The following BCHE variants were observed in gnomAD, a reference collection of about 807,000 sequenced individuals.
The protein encoded by BCHE is butyrylcholinesterase, also known as cholinesterase.
BCHE carries 48 observed loss-of-function variants against 51.3 expected under a neutral mutation model. The observed-to-expected ratio is 0.94, with a 90% CI of 0.74 to 1.19. The LOEUF (loss-of-function observed/expected upper bound fraction) is 1.19. BCHE is among the 50% of genes most tolerant of loss of function. The pLI is 0.00. For synonymous variants in BCHE, 251 were observed against 238.0 expected (o/e 1.05, Z -0.50); for missense variants, 847 against 708.2 (o/e 1.20, Z -2.23).
intron 3 of BCHE, among the ~76,000 whole-genome samples, chr3:165,776,230 G>A (rs1712466198): frequency 6.6e-6 from 1 of 151,898 alleles, no homozygotes; most frequent in Non-Finnish European, 1.5e-5. Context: ...TAATTATATT[G>A]TAGAACAGTC....
At position 165,821,784 on chromosome 3, in the gene BCHE, A is replaced by T. The variant is rs1047945890; in HGVS notation, c.1517+7733T>A. ...TAAAAAGATGAATATCTATTTTCAA[A>T]TTGTCCCAATCATTTTAAAATACCT... On this transcript the variant is annotated intron_variant, in intron 2 of 3. Coordinates refer to ENST00000264381, the MANE Select transcript of BCHE (RefSeq NM_000055.4). Among the ~76,000 whole-genome samples, 3 of 151,968 alleles carry T rather than the reference A, an allele frequency of 2.0e-5. No individual in the cohort carries two copies. The East Asian group carries it at 5.8e-4, about 29-fold the overall frequency.
chr3:165,787,557 G>A (rs1713002317), intron 2 of BCHE, among the ~76,000 whole-genome samples: 2 of 151,874 alleles, frequency 1.3e-5, no homozygotes. Flanking sequence ...GAATCTGGCT[G>A]AAAGAGAGGA....
chr3:165,785,232 A>G (rs1333123015), intron 3 of BCHE, among the ~76,000 whole-genome samples: 1 of 151,900 alleles, frequency 6.6e-6, no homozygotes. Context: ...ATACAGCCTG[A>G]AAATTACAGA....
At chr3:165,836,010 G>A (rs1271036465) in intron 1 of BCHE, among the ~76,000 whole-genome samples, 1 of 151,860 alleles carries the variant, frequency 6.6e-6, no homozygotes, top group Non-Finnish European at 1.5e-5. Flanking sequence ...ATGACTCGAA[G>A]AAGGAACCAA....
intron 2 of BCHE, among the ~76,000 whole-genome samples, chr3:165,804,541 C>T (rs1032382122): frequency 7.9e-5 from 12 of 152,094 alleles, no homozygotes; most frequent in African/African-American, 2.9e-4. Context: ...GCATAATCGA[C>T]ATTGCAACTG....
At chr3:165,787,450 T>C (rs937813334) in intron 2 of BCHE, among the ~76,000 whole-genome samples, 1 of 151,462 alleles carries the variant, frequency 6.6e-6, no homozygotes, top group Non-Finnish European at 1.5e-5. Flanking sequence ...AACTACAACA[T>C]AAGATAGCAT....
rs7626617 is a variant in BCHE at position 165,786,130 on chromosome 3, T to G, written c.1684+15A>C. On this transcript the variant is annotated intron_variant, in intron 3 of 3. Coordinates refer to ENST00000264381, the MANE Select transcript of BCHE (RefSeq NM_000055.4). ...CATCATCTATTAAATAACCAAACAC[T>G]AAAAACAGACACACCTGTCATTTCC... is the stretch of plus-strand genomic sequence containing the variant. 6.2e-7 allele frequency: 1 copy of G among 1,609,034 alleles called. No homozygotes were observed. The highest frequency in any genetic ancestry group is 2.2e-5 in the East Asian group (1 of 44,714).
At chr3:165,802,719 G>T (rs1323667003) in intron 2 of BCHE, among the ~76,000 whole-genome samples, 9 of 151,332 alleles carry the variant, frequency 5.9e-5, no homozygotes, top group Non-Finnish European at 1.0e-4. Context: ...AGAAATAAAT[G>T]ATTTTTTGTT....
chr3:165,829,653 AT>A lies in BCHE; in HGVS notation c.1380del (p.Glu460AspfsTer5). 6.2e-7 allele frequency: 1 copy of A among 1,613,888 alleles called. No homozygotes were observed. The highest frequency in any genetic ancestry group is 8.5e-7 in the Non-Finnish European group (1 of 1,179,892). Reference protein sequence around the residue: ...EHRSSKLPWPEWMGVMHGYEI... With the variant: ...EHRSSKLPWPXWMGVMHGYEI... Reference sequence around the variant, plus strand: ...TCATAGCCATGCATCACTCCCATCCATTCTGGCCACGGAAGTTTGGAGGATC... The same window carrying A: ...TCATAGCCATGCATCACTCCCATCCATCTGGCCACGGAAGTTTGGAGGATC... On this transcript the variant is annotated frameshift_variant, in exon 2 of 4. Transcript: ENST00000264381. LOFTEE classifies it high-confidence loss of function.
chr3:165,789,270 T>C (rs950918699), intron 2 of BCHE, among the ~76,000 whole-genome samples: 1 of 151,302 alleles, frequency 6.6e-6, no homozygotes, highest in South Asian at 2.1e-4. Context: ...TTTGAAAGGT[T>C]TTAAGACACA....
rs1714861148 is a variant in BCHE at position 165,829,513 on chromosome 3, T to C, written c.1517+4A>G. 1 of 1,610,294 alleles carries C rather than the reference T, an allele frequency of 6.2e-7. No homozygotes were observed. The highest frequency in any genetic ancestry group is 8.5e-7 in the Non-Finnish European group (1 of 1,176,816). The stretch of plus-strand genomic sequence containing the variant: ...AGAGAACAATGACAAAAATCAGCAC[T>C]TACCCATATTTTGCAAAATTTGCCC... On this transcript the variant is annotated splice_donor_region_variant and intron_variant, in intron 2 of 3. Transcript: ENST00000264381.
Position 165,814,733 on chromosome 3 carries a change from C to G in BCHE, c.1517+14784G>C, listed in dbSNP as rs551604319. On this transcript the variant is annotated intron_variant, in intron 2 of 3. Transcript: ENST00000264381. Reference sequence around the variant, plus strand: ...TTTGTCAAAATTTTGTTCCTTGGGGCTACTTCCTAGTCTCTTTAGTCCCTA... The same window carrying G: ...TTTGTCAAAATTTTGTTCCTTGGGGGTACTTCCTAGTCTCTTTAGTCCCTA... 5.3e-5 allele frequency among the ~76,000 whole-genome samples: 8 copies of G among 152,060 alleles called. No homozygotes were observed. The South Asian group carries it at 1.7e-3, about 32-fold the overall frequency.
chr3:165,834,574 AC>A (rs1715118175), intron 1 of BCHE, among the ~76,000 whole-genome samples: 1 of 151,928 alleles, frequency 6.6e-6, no homozygotes, highest in Non-Finnish European at 1.5e-5. Context: ...AATAAGCATC[AC>A]TTTGCCCTTT....
At chr3:165,821,043 A>AG (rs1714493443) in intron 2 of BCHE, among the ~76,000 whole-genome samples, 1 of 151,294 alleles carries the variant, frequency 6.6e-6, no homozygotes, top group Admixed American at 6.6e-5. Context: ...CACTTAAAAA[A>AG]GTTAGATAGT....
In BCHE at chr3:165,829,641, T is replaced by C; in HGVS notation, c.1393A>G (p.Met465Val). ...ACAAATTCAATTTCATAGCCATGCA[T>C]CACTCCCATCCATTCTGGCCACGGA... is the stretch of plus-strand genomic sequence containing the variant. ...KLPWPEWMGV[M>V]HGYEIEFVFG... The change falls in exon 2 of 4, where the codon ATG becomes GTG. Residue 465 changes from methionine (M) to valine (V), a missense_variant. Transcript: ENST00000264381. 1 of 1,613,898 alleles carries C rather than the reference T, an allele frequency of 6.2e-7. No homozygotes were observed.
chr3:165,808,223 G>C (rs1713944479), intron 2 of BCHE, among the ~76,000 whole-genome samples: 1 of 152,008 alleles, frequency 6.6e-6, no homozygotes, highest in African/African-American at 2.4e-5. Flanking sequence ...CTGACCTCGT[G>C]ATCAGCCCGC....
intron 2 of BCHE, among the ~76,000 whole-genome samples, chr3:165,821,928 T>C (rs1714538523): frequency 6.6e-6 from 1 of 151,958 alleles, no homozygotes; most frequent in African/African-American, 2.4e-5. Context: ...GTGAAAAATG[T>C]ATTAATACAT....
intron 3 of BCHE, among the ~76,000 whole-genome samples, chr3:165,780,248 C>A (rs1486452054): frequency 6.6e-6 from 1 of 152,112 alleles, no homozygotes; most frequent in Non-Finnish European, 1.5e-5. Flanking sequence ...ACACTTTATA[C>A]AAAGATTAAC....
intron 2 of BCHE, among the ~76,000 whole-genome samples, chr3:165,803,813 A>G (rs1457679615): frequency 6.6e-6 from 1 of 152,184 alleles, no homozygotes; most frequent in Non-Finnish European, 1.5e-5. Flanking sequence ...TGAAATGCAT[A>G]TTAAATACTT....
Sources: allele counts gnomAD v4.1 joint callset (sites outside exome capture counted in the v4.1 genomes callset), GRCh38; gene constraint gnomAD v4.1.1; transcripts MANE v1.5; gene names NCBI Gene and HGNC (gene_info 2026-07-23, HGNC 2026-07-21).